AKAP12: variants seen among roughly 807,000 people sequenced by gnomAD.
The protein encoded by AKAP12 is A-kinase anchoring protein 12, also known as A-kinase anchor protein 12.
A neutral mutation model predicts 79.9 loss-of-function variants in AKAP12; 32 were observed. The ratio of observed to expected loss-of-function variants is 0.40; its 90% confidence interval spans 0.30 to 0.54. The LOEUF (loss-of-function observed/expected upper bound fraction) is 0.54. Among genes scored for constraint, AKAP12 ranks in the 20% least tolerant of loss-of-function variants. The probability of loss-of-function intolerance (pLI) is 0.48; values close to 1 mark genes in which losing one functional copy is unlikely to be tolerated. For synonymous variants in AKAP12, 808 were observed against 857.0 expected, an observed-to-expected ratio of 0.94 and a Z score of 1.00; for missense variants, 2,074 against 2,177.0, an observed-to-expected ratio of 0.95 and a Z score of 0.94.
chr6:151,331,632 T>A (rs138401025), intron 3 of AKAP12, among the ~76,000 whole-genome samples: 1 of 152,264 alleles, frequency 6.6e-6, no homozygotes, highest in African/African-American at 2.4e-5. Context: ...ACGCCTGTAA[T>A]CCCAGCACTT....
intron 2 of AKAP12, among the ~76,000 whole-genome samples, chr6:151,273,391 G>C (rs6909081): frequency 0.084 from 12,837 of 152,188 alleles, 736 homozygotes; most frequent in African/African-American, 0.14. Context: ...GGGGTACTAT[G>C]GTAGTTTCAT....
chr6:151,287,674 G>C (rs573335173), intron 2 of AKAP12, among the ~76,000 whole-genome samples: 1 of 152,306 alleles, frequency 6.6e-6, no homozygotes, highest in South Asian at 2.1e-4. Context: ...CAAGGATCTA[G>C]AACCAGAAAT....
At chr6:151,334,736 C>T (rs1443588955) in intron 3 of AKAP12, among the ~76,000 whole-genome samples, 1 of 151,638 alleles carries the variant, frequency 6.6e-6, no homozygotes, top group Admixed American at 6.6e-5. Context: ...ATTCTCCTGC[C>T]TCAGCCTCCC....
At chr6:151,347,505 C>A (rs1198392280) in intron 3 of AKAP12, among the ~76,000 whole-genome samples, 1 of 152,204 alleles carries the variant, frequency 6.6e-6, no homozygotes, top group African/African-American at 2.4e-5. Flanking sequence ...CTCGTTGACT[C>A]ACTCTTAGAG....
At chr6:151,285,879 ATT>A (rs11427563) in intron 2 of AKAP12, among the ~76,000 whole-genome samples, 29 of 144,914 alleles carry the variant, frequency 2.0e-4, no homozygotes, top group African/African-American at 4.9e-4. Flanking sequence ...GGAGGTGATA[ATT>A]TTTTTTTTTT....
chr6:151,273,467 G>T (rs1776231312), intron 2 of AKAP12, among the ~76,000 whole-genome samples: 1 of 152,148 alleles, frequency 6.6e-6, no homozygotes, highest in African/African-American at 2.4e-5. Flanking sequence ...ACTGTGAAAT[G>T]GTGACTTTCT....
intron 2 of AKAP12, among the ~76,000 whole-genome samples, chr6:151,293,653 TTA>T (rs1408641784): frequency 2.0e-5 from 3 of 152,118 alleles, no homozygotes; most frequent in Non-Finnish European, 4.4e-5. Context: ...GGACCCAAAG[TTA>T]AATAACTAAT....
chr6:151,335,915 C>T (rs1027857914), intron 3 of AKAP12, among the ~76,000 whole-genome samples: 1 of 152,160 alleles, frequency 6.6e-6, no homozygotes, highest in Middle Eastern at 3.2e-3. Flanking sequence ...ACTCTCACTT[C>T]CCTTCCACCC....
rs747920986 is a variant in AKAP12, at chr6:151,350,486, G to A, written c.2095G>A (p.Asp699Asn). The change falls in exon 4 of 5, where the codon GAT becomes AAT. Residue 699 changes from aspartate (D) to asparagine (N), a missense_variant. Physicochemically the swap from Asp to Asn is conservative, Grantham distance 23. Transcript: ENST00000402676. This position sits in a 1 kb window ranked among gnomAD's most constrained non-coding sequence, Gnocchi z 4.8. ...KKRARRGSSS[D>N]EEGGPKAMGG... ...AAGAGCAAGGAGAGGGTCCTCTTCTGATGAGGAAGGGGGACCAAAAGCAAT... is the reference window on the plus strand; with the variant it reads ...AAGAGCAAGGAGAGGGTCCTCTTCTAATGAGGAAGGGGGACCAAAAGCAAT... 8.1e-6 allele frequency: 13 copies of A among 1,614,130 alleles called. No individual in the cohort carries two copies. Among genetic ancestry groups the A allele is most frequent in the South Asian group, 1.1e-5 (1 of 91,082 alleles).
intron 3 of AKAP12, among the ~76,000 whole-genome samples, chr6:151,320,136 T>C (rs1174386965): frequency 6.6e-6 from 1 of 152,134 alleles, no homozygotes; most frequent in Non-Finnish European, 1.5e-5. Flanking sequence ...TTGGTTTTAA[T>C]TCTGAGTGTA....
chr6:151,297,875 G>A (rs570453808), intron 2 of AKAP12, among the ~76,000 whole-genome samples: 1 of 152,290 alleles, frequency 6.6e-6, no homozygotes, highest in South Asian at 2.1e-4. Flanking sequence ...GATAAGGGGT[G>A]GAAAGTACTG....
chr6:151,281,574 A>G (rs1170965523), intron 2 of AKAP12, among the ~76,000 whole-genome samples: 1 of 152,164 alleles, frequency 6.6e-6, no homozygotes, highest in Non-Finnish European at 1.5e-5. Flanking sequence ...CCCAAATCCT[A>G]ACTCAACCCA....
At chr6:151,296,948 T>A (rs941292727) in intron 2 of AKAP12, among the ~76,000 whole-genome samples, 1 of 152,294 alleles carries the variant, frequency 6.6e-6, no homozygotes, top group South Asian at 2.1e-4. Flanking sequence ...CTCCGTCTTA[T>A]TTTCAGCCTA....
At chr6:151,331,408 T>C (rs931378956) in intron 3 of AKAP12, among the ~76,000 whole-genome samples, 1 of 152,150 alleles carries the variant, frequency 6.6e-6, no homozygotes, top group Non-Finnish European at 1.5e-5. Context: ...CCAGGAAGTA[T>C]CTCCTCTATT....
rs1778453390 is a variant in AKAP12, at chr6:151,356,844, ATGAT to A, written c.*1135_*1138del. On this transcript the variant is annotated 3_prime_UTR_variant, in exon 5 of 5. Transcript: ENST00000402676. ...GTACCACATTAGAATTCTAAAGATAATGATTGATAAGCTAGAACTTTCTGATGTA... is the reference window on the plus strand; with the variant it reads ...GTACCACATTAGAATTCTAAAGATAATGATAAGCTAGAACTTTCTGATGTA... The A allele has an allele frequency of 2.0e-5, 3 of 152,266 alleles. No individual in the cohort carries two copies. The highest frequency in any genetic ancestry group is 7.2e-5 in the African/African-American group (3 of 41,502). 9.4% of individuals were successfully genotyped at this position (152,266 alleles called of 1,614,324 possible). A position where few individuals can be genotyped will look rare whatever the true frequency, so the allele number is the denominator to read the frequency against.
chr6:151,252,997 C>G (rs192397076), intron 2 of AKAP12, among the ~76,000 whole-genome samples: 255 of 152,222 alleles, frequency 1.7e-3, no homozygotes, highest in Middle Eastern at 3.4e-3. Context: ...AGTGTCTGCC[C>G]TTTGGTTTGT....
At chr6:151,251,879 C>T (rs1797183335) in intron 2 of AKAP12, among the ~76,000 whole-genome samples, 1 of 152,100 alleles carries the variant, frequency 6.6e-6, no homozygotes, top group Non-Finnish European at 1.5e-5. Flanking sequence ...CGCCTGTAGT[C>T]CCACCTACCT....
intron 3 of AKAP12, among the ~76,000 whole-genome samples, chr6:151,338,791 G>A (rs1777878165): frequency 6.6e-6 from 1 of 152,218 alleles, no homozygotes; most frequent in Non-Finnish European, 1.5e-5. Context: ...CAGAGGTGAT[G>A]TTGTGTCCTT....
chr6:151,261,678 C>T (rs1039228244), intron 2 of AKAP12, among the ~76,000 whole-genome samples: 7 of 151,166 alleles, frequency 4.6e-5, no homozygotes, highest in Admixed American at 2.0e-4. Context: ...TCCAGCCTGT[C>T]GACAGAGCCA....
Sources: allele counts gnomAD v4.1 joint callset (sites outside exome capture counted in the v4.1 genomes callset), GRCh38; gene constraint gnomAD v4.1.1; non-coding constraint Gnocchi (gnomAD v3.1); transcripts MANE v1.5; gene names NCBI Gene and HGNC (gene_info 2026-07-23, HGNC 2026-07-21).